The following HTRA3 variants were observed in gnomAD, a reference collection of about 807,000 sequenced individuals.
HTRA3 encodes HtrA serine peptidase 3, also known as serine protease HTRA3.
HTRA3 carries 41 observed loss-of-function variants against 43.2 expected under a neutral mutation model. The ratio of observed to expected loss-of-function variants is 0.95; its 90% CI spans 0.74 to 1.23. The LOEUF (loss-of-function observed/expected upper bound fraction) is 1.23, where lower values mean the gene tolerates loss of function less well. Among genes scored for constraint, HTRA3 ranks in the 50% most tolerant of loss-of-function variants. The pLI is 0.00. For missense variants in HTRA3, 628 were observed against 647.1 expected (o/e 0.97, Z 0.32); for synonymous variants, 295 against 287.9 (o/e 1.02, Z -0.25).
chr4:8,297,490 A>C lies in HTRA3; in HGVS notation c.1051+3289A>C, dbSNP rs1014474278. On this transcript the variant is annotated intron_variant, in intron 6 of 8. Transcript: ENST00000307358. The surrounding 1 kb of genome is among the most constrained non-coding windows in gnomAD (Gnocchi z 5.8). ...CCTTCTAGCAGGGAGACGGGCCACA[A>C]AAACGCCCCCAGATGCCACAGATCA... Among the ~76,000 whole-genome samples, 2 of 152,092 alleles carry C rather than the reference A, an allele frequency of 1.3e-5. No homozygotes were observed. Among genetic ancestry groups the C allele is most frequent in the Non-Finnish European group, 2.9e-5 (2 of 68,010 alleles).
rs1713686341 is a variant in HTRA3, at chr4:8,302,457, T to C, written c.1052-6T>C. 1 of 1,613,922 alleles carries C rather than the reference T, an allele frequency of 6.2e-7. No homozygotes were observed. Among genetic ancestry groups the C allele is most frequent in the South Asian group, 1.1e-5 (1 of 91,072 alleles). The stretch of plus-strand genomic sequence containing the variant: ...CTAACGGAGTCTCGCCGTGTTTCAT[T>C]TCCAGACTGGAAGAAGCGCTTCATC... On this transcript the variant is annotated splice_region_variant and splice_polypyrimidine_tract_variant and intron_variant, in intron 6 of 8. Coordinates refer to ENST00000307358, the MANE Select transcript of HTRA3 (RefSeq NM_053044.5).
intron 1 of HTRA3, among the ~76,000 whole-genome samples, chr4:8,270,682 C>T (rs1712234016): frequency 6.6e-6 from 1 of 152,170 alleles, no homozygotes; most frequent in African/African-American, 2.4e-5. Flanking sequence ...GACCCCTGCT[C>T]TGTCCGGGTA....
intron 6 of HTRA3, among the ~76,000 whole-genome samples, chr4:8,294,415 G>A (rs62286499): frequency 0.21 from 31,350 of 151,480 alleles, 4,282 homozygotes; most frequent in East Asian, 0.46. Flanking sequence ...GCCTATCATC[G>A]ATTCGTGATC....
intron 6 of HTRA3, among the ~76,000 whole-genome samples, chr4:8,294,796 A>G (rs1203282725): frequency 4.5e-5 from 4 of 88,274 alleles, no homozygotes; most frequent in Non-Finnish European, 9.1e-5. Flanking sequence ...CCACCCATCT[A>G]TCCATCCACC....
In HTRA3 at chr4:8,286,514, C is replaced by T. The variant is rs767154553; in HGVS notation, c.486-47C>T. 22 of 1,533,466 alleles carry T rather than the reference C, an allele frequency of 1.4e-5. No individual in the cohort carries two copies. Among genetic ancestry groups the T allele is most frequent in the African/African-American group, 4.1e-5 (3 of 73,406 alleles). The allele number at this position is 1,533,466 out of a possible 1,614,324, so 95.0% of individuals were successfully genotyped here. A position where few individuals can be genotyped will look rare whatever the true frequency, so the allele number is the denominator to read the frequency against. On this transcript the variant is annotated intron_variant, in intron 2 of 8. Coordinates refer to ENST00000307358, the MANE Select transcript of HTRA3 (RefSeq NM_053044.5). This position sits in a 1 kb window ranked among gnomAD's most constrained non-coding sequence, Gnocchi z 4.9. ...CCCACCACTGCGCCTGACTCCCCCG[C>T]GTCCTAGCCCCACCCTAAATGCCCG...
chr4:8,294,626 A>G (rs1578803455), intron 6 of HTRA3, among the ~76,000 whole-genome samples: 3 of 172 alleles, frequency 0.017, no homozygotes, highest in Admixed American at 0.042. Flanking sequence ...CCATCCATCC[A>G]TCCATCCATC....
At chr4:8,300,822 T>C (rs959012658) in intron 6 of HTRA3, among the ~76,000 whole-genome samples, 1 of 151,876 alleles carries the variant, frequency 6.6e-6, no homozygotes, top group Non-Finnish European at 1.5e-5. Context: ...TATTATTGAT[T>C]CACACTCTTA....
chr4:8,282,962 C>T lies in HTRA3; in HGVS notation c.485+426C>T, dbSNP rs537759547. ...GAGCAGGGCTCGGGGCAGTGGGAACCGGGGGCTCGGGAGGCCTCACAAGCT... is the reference window on the plus strand; with the variant it reads ...GAGCAGGGCTCGGGGCAGTGGGAACTGGGGGCTCGGGAGGCCTCACAAGCT... On this transcript the variant is annotated intron_variant, in intron 2 of 8. Coordinates refer to ENST00000307358, the MANE Select transcript of HTRA3 (RefSeq NM_053044.5). Among the ~76,000 whole-genome samples the T allele has an allele frequency of 2.6e-3, 399 of 152,252 alleles. 3 individuals carry two copies. Among genetic ancestry groups the T allele is most frequent in the Non-Finnish European group, 1.5e-3 (101 of 68,016 alleles).
Position 8,296,006 on chromosome 4 carries a change from G to A in HTRA3, c.1051+1805G>A. On this transcript the variant is annotated intron_variant, in intron 6 of 8. Transcript: ENST00000307358. This position sits in a 1 kb window ranked among gnomAD's most constrained non-coding sequence, Gnocchi z 5.3. ...AGGAAGCTCAGAGCTAGATTCAGGG[G>A]TGCACCCAGACCTGTCCTAGCATGC... The A allele has an allele frequency of 1.7e-6, 2 of 1,183,066 alleles. No homozygotes were observed. Among genetic ancestry groups the A allele is most frequent in the Non-Finnish European group, 2.1e-6 (2 of 956,814 alleles). The allele number at this position is 1,183,066 out of a possible 1,614,324, so 73.3% of individuals were successfully genotyped here. A position where few individuals can be genotyped will look rare whatever the true frequency, so the allele number is the denominator to read the frequency against.
At chr4:8,299,663 T>A (rs959011947) in intron 6 of HTRA3, among the ~76,000 whole-genome samples, 12 of 152,202 alleles carry the variant, frequency 7.9e-5, no homozygotes, top group African/African-American at 2.7e-4. Flanking sequence ...TTCTGGTTTT[T>A]ATTGGGAATA....
rs903515652 is a variant in HTRA3, at chr4:8,297,306, G to A, written c.1051+3105G>A. ...TTCAGAGTCCCCTATCCTGAGCACA[G>A]TGAGTCGTGCTTTCCCCAGCTCTGG... On this transcript the variant is annotated intron_variant, in intron 6 of 8. Coordinates refer to ENST00000307358, the MANE Select transcript of HTRA3 (RefSeq NM_053044.5). The surrounding 1 kb of genome is among the most constrained non-coding windows in gnomAD (Gnocchi z 5.8). Among the ~76,000 whole-genome samples, 10 of 152,044 alleles carry A rather than the reference G, an allele frequency of 6.6e-5. No individual in the cohort carries two copies. Among genetic ancestry groups the A allele is most frequent in the Non-Finnish European group, 4.4e-5 (3 of 68,014 alleles).
chr4:8,304,665 T>G lies in HTRA3; in HGVS notation c.1196+386T>G, dbSNP rs1314146419. 5.1e-5 allele frequency among the ~76,000 whole-genome samples: 7 copies of G among 138,282 alleles called. 1 individual carries two copies. Among genetic ancestry groups the G allele is most frequent in the Admixed American group, 2.1e-4 (3 of 14,062 alleles). The allele number at this position is 138,282 out of a possible 152,430, so 90.7% of individuals were successfully genotyped here. ...ATTGTTTTTTTTTTTTTTTTTTTTT[T>G]TTTTTTTTTGAGACAGTCTCCCTCT... On this transcript the variant is annotated intron_variant, in intron 8 of 8. Transcript: ENST00000307358.
chr4:8,275,391 C>A (rs931944856), intron 1 of HTRA3, among the ~76,000 whole-genome samples: 7 of 152,186 alleles, frequency 4.6e-5, no homozygotes, highest in African/African-American at 1.7e-4. Context: ...AGCCTCCTGG[C>A]AGGCTCGCAG....
In HTRA3 at chr4:8,276,857, T is replaced by G. The variant is rs138630883; in HGVS notation, c.386-5580T>G. Among the ~76,000 whole-genome samples, 136 of 152,362 alleles carry G rather than the reference T, an allele frequency of 8.9e-4. 1 individual carries two copies. The highest frequency in any genetic ancestry group is 3.0e-3 in the African/African-American group (126 of 41,592). ...GGTCAGGGCTTGCGGGGCCTGGCTG[T>G]GCACCTTGGGCAGGTCCCGTGGCCT... On this transcript the variant is annotated intron_variant, in intron 1 of 8. Coordinates refer to ENST00000307358, the MANE Select transcript of HTRA3 (RefSeq NM_053044.5).
At position 8,291,453 on chromosome 4, in the gene HTRA3, C is replaced by A. The variant is rs750924186; in HGVS notation, c.792C>A (p.Ala264=). Residue 264 remains alanine, a synonymous_variant, in exon 4 of 9, where the codon GCC becomes GCA. Transcript: ENST00000307358. ...EFVVAIGSPF[A]LQNTVTTGIV... is the part of the protein sequence containing the mutation. ...TGGTGGCCATCGGCAGTCCCTTCGC[C>A]CTACAGAACACAGTGACAACGGGCA... The A allele has an allele frequency of 4.0e-5, 64 of 1,613,070 alleles. No individual in the cohort carries two copies. The South Asian group carries it at 5.7e-4, about 14-fold the overall frequency.
chr4:8,296,850 G>A lies in HTRA3; in HGVS notation c.1051+2649G>A, dbSNP rs1397092386. The stretch of plus-strand genomic sequence containing the variant: ...CAAGGGAGAGCTGTAGGGAGGGGAG[G>A]GGACAGGGACAAAGACATGTGCTTT... On this transcript the variant is annotated intron_variant, in intron 6 of 8. Transcript: ENST00000307358. The surrounding 1 kb of genome is among the most constrained non-coding windows in gnomAD (Gnocchi z 5.3). Among the ~76,000 whole-genome samples, 2 of 152,262 alleles carry A rather than the reference G, an allele frequency of 1.3e-5. No individual in the cohort carries two copies. Among genetic ancestry groups the A allele is most frequent in the East Asian group, 3.9e-4 (2 of 5,160 alleles).
chr4:8,270,161 C>G lies in HTRA3; in HGVS notation c.193C>G (p.Pro65Ala). 1.3e-6 allele frequency: 2 copies of G among 1,540,844 alleles called. No individual in the cohort carries two copies. The highest frequency in any genetic ancestry group is 8.6e-7 in the Non-Finnish European group (1 of 1,156,924). ...AASEGEPCGGPLDSPCGESLE... is the reference protein window; with the variant it reads ...AASEGEPCGGALDSPCGESLE... ...CAGCGAGGGCGAGCCCTGTGGCGGCCCTCTGGACTCGCCTTGCGGCGAGAG... is the reference window on the plus strand; with the variant it reads ...CAGCGAGGGCGAGCCCTGTGGCGGCGCTCTGGACTCGCCTTGCGGCGAGAG... Residue 65 changes from proline (P) to alanine (A), a missense_variant, in exon 1 of 9, where the codon CCT becomes GCT. Coordinates refer to ENST00000307358, the MANE Select transcript of HTRA3 (RefSeq NM_053044.5).
At chr4:8,303,258 C>T (rs1004801631) in intron 7 of HTRA3, among the ~76,000 whole-genome samples, 11 of 152,328 alleles carry the variant, frequency 7.2e-5, no homozygotes, top group Admixed American at 2.6e-4. Context: ...CCTGCTGTGT[C>T]GGAATCACCT....
chr4:8,280,603 T>C (rs1712705196), intron 1 of HTRA3, among the ~76,000 whole-genome samples: 1 of 152,134 alleles, frequency 6.6e-6, no homozygotes, highest in Admixed American at 6.5e-5. Context: ...GCATCCCTCA[T>C]GGAAGCAAAC....
Sources: allele counts gnomAD v4.1 joint callset (sites outside exome capture counted in the v4.1 genomes callset), GRCh38; gene constraint gnomAD v4.1.1; non-coding constraint Gnocchi (gnomAD v3.1); transcripts MANE v1.5; gene names NCBI Gene and HGNC (gene_info 2026-07-23, HGNC 2026-07-21).